Variants in MARCHF1 observed in about 807,000 individuals in gnomAD.
MARCHF1 encodes the protein membrane associated ring-CH-type finger 1.
A neutral mutation model predicts 54.2 loss-of-function variants in MARCHF1; 40 were observed. That is an observed-to-expected ratio of 0.74 (90% CI 0.57 to 0.96). The LOEUF (loss-of-function observed/expected upper bound fraction) is 0.96. Among genes scored for constraint, MARCHF1 ranks in the 40% least tolerant of loss-of-function variants. The probability of loss-of-function intolerance (pLI) is 0.00; values close to 1 mark genes in which losing one functional copy is unlikely to be tolerated. For synonymous variants in MARCHF1, 236 were observed against 236.3 expected, an observed-to-expected ratio of 1.00 and a Z score of 0.01; for missense variants, 586 against 656.5, an observed-to-expected ratio of 0.89 and a Z score of 1.17.
intron 1 of MARCHF1, among the ~76,000 whole-genome samples, chr4:164,243,472 A>G (rs928254222): frequency 3.9e-5 from 6 of 152,386 alleles, no homozygotes; most frequent in African/African-American, 1.2e-4. Context: ...AAACATGGAA[A>G]GGAACAACCA....
intron 5 of MARCHF1, among the ~76,000 whole-genome samples, chr4:163,657,661 T>C (rs887426031): frequency 2.0e-5 from 3 of 151,998 alleles, no homozygotes; most frequent in Non-Finnish European, 4.4e-5. Context: ...CTTCAAACTA[T>C]ACTACAAGGC....
intron 1 of MARCHF1, among the ~76,000 whole-genome samples, chr4:164,205,884 A>T (rs2111102555): frequency 6.6e-6 from 1 of 152,342 alleles, no homozygotes; most frequent in South Asian, 2.1e-4. Context: ...TTTCAGAATG[A>T]TATACGTCAC....
intron 5 of MARCHF1, among the ~76,000 whole-genome samples, chr4:163,677,314 C>T (rs1400054177): frequency 1.4e-5 from 2 of 138,796 alleles, no homozygotes; most frequent in East Asian, 4.8e-4. Flanking sequence ...CTGCAAGTCT[C>T]TGTGTGATTT....
chr4:164,236,657 C>T (rs1456194902), intron 1 of MARCHF1, among the ~76,000 whole-genome samples: 1 of 152,112 alleles, frequency 6.6e-6, no homozygotes, highest in Non-Finnish European at 1.5e-5. Context: ...CCACACTGCA[C>T]ATGTCTGCAA....
chr4:163,613,246 G>A, intron 6 of MARCHF1, 68 bp downstream of exon 6: 2 of 1,488,760 alleles, frequency 1.3e-6, no homozygotes, highest in Non-Finnish European at 1.8e-6. Context: ...CACATTCTCA[G>A]AACAAACAAC....
intron 1 of MARCHF1, among the ~76,000 whole-genome samples, chr4:164,205,014 T>G (rs1215340864): frequency 6.6e-6 from 1 of 152,230 alleles, no homozygotes; most frequent in African/African-American, 2.4e-5. Context: ...CCAAATGCAG[T>G]GAACATTTTC....
chr4:163,745,225 C>T (rs1331415542), intron 4 of MARCHF1, among the ~76,000 whole-genome samples: 1 of 151,010 alleles, frequency 6.6e-6, no homozygotes, highest in African/African-American at 2.4e-5. Context: ...CCATTCTCTG[C>T]TTCAGCCCCC....
rs532086436 is a variant in MARCHF1 at position 163,741,615 on chromosome 4, C to T, written c.112-40752G>A. ...AAAAAAAAATTTGGAAACCTAATATCAGCGTGTTTAAGCAACTGCGTGTTT... is the reference window on the plus strand; with the variant it reads ...AAAAAAAAATTTGGAAACCTAATATTAGCGTGTTTAAGCAACTGCGTGTTT... On this transcript the variant is annotated intron_variant, in intron 4 of 9. Coordinates refer to ENST00000514618, the MANE Select transcript of MARCHF1 (RefSeq NM_001394959.1). Among the ~76,000 whole-genome samples, 10 of 151,890 alleles carry T rather than the reference C, an allele frequency of 6.6e-5. No individual in the cohort carries two copies. The South Asian group carries it at 2.1e-3, about 32-fold the overall frequency.
intron 4 of MARCHF1, among the ~76,000 whole-genome samples, chr4:163,765,098 G>T (rs747498443): frequency 1.5e-4 from 23 of 151,914 alleles, no homozygotes; most frequent in Non-Finnish European, 8.8e-5. Flanking sequence ...AGGTTACATG[G>T]GTGCCCTAAT....
intron 7 of MARCHF1, among the ~76,000 whole-genome samples, chr4:163,588,915 T>G (rs1740495254): frequency 6.6e-6 from 1 of 152,010 alleles, no homozygotes. Context: ...TTATTGACAA[T>G]AATAAAAACA....
chr4:163,960,350 G>A (rs1309210908), intron 3 of MARCHF1, among the ~76,000 whole-genome samples: 1 of 151,970 alleles, frequency 6.6e-6, no homozygotes, highest in Non-Finnish European at 1.5e-5. Flanking sequence ...AAAGACACAT[G>A]AAGACAAATG....
chr4:163,972,336 T>C (rs189936324), intron 3 of MARCHF1, among the ~76,000 whole-genome samples: 9 of 152,096 alleles, frequency 5.9e-5, no homozygotes, highest in African/African-American at 2.2e-4. Flanking sequence ...ATCCCAGAAC[T>C]TAAAGTATAA....
At chr4:164,085,415 G>A (rs76896719) in intron 2 of MARCHF1, among the ~76,000 whole-genome samples, 4,247 of 151,644 alleles carry the variant, frequency 0.028, 180 homozygotes, top group African/African-American at 0.097. Context: ...TGCACTTAAG[G>A]GAAATGTCTT....
intron 2 of MARCHF1, among the ~76,000 whole-genome samples, chr4:164,029,153 G>T (rs1560869333): frequency 6.6e-6 from 1 of 152,062 alleles, no homozygotes; most frequent in Non-Finnish European, 1.5e-5. Flanking sequence ...GCTATATAAA[G>T]AAATAATTGA....
At chr4:163,804,988 T>C (rs1469535286) in intron 4 of MARCHF1, among the ~76,000 whole-genome samples, 1 of 152,162 alleles carries the variant, frequency 6.6e-6, no homozygotes, top group African/African-American at 2.4e-5. Flanking sequence ...AAGATGCTCT[T>C]AAATAGTTTA....
At chr4:164,009,122 T>C (rs1753361747) in intron 2 of MARCHF1, among the ~76,000 whole-genome samples, 1 of 151,926 alleles carries the variant, frequency 6.6e-6, no homozygotes, top group African/African-American at 2.4e-5. Flanking sequence ...CATAAAAGAA[T>C]ATGTAAAAAC....
intron 4 of MARCHF1, among the ~76,000 whole-genome samples, chr4:163,765,250 C>T (rs1400304014): frequency 2.6e-5 from 4 of 151,934 alleles, no homozygotes; most frequent in African/African-American, 4.8e-5. Flanking sequence ...AGTGTGAAGC[C>T]CTATTTGCTG....
chr4:163,830,113 T>C (rs1748975970), intron 4 of MARCHF1, among the ~76,000 whole-genome samples: 1 of 152,128 alleles, frequency 6.6e-6, no homozygotes, highest in African/African-American at 2.4e-5. Context: ...TGAAATAGGA[T>C]TCAACTTACA....
chr4:164,012,998 T>C (rs1175922294), intron 2 of MARCHF1, among the ~76,000 whole-genome samples: 1 of 152,108 alleles, frequency 6.6e-6, no homozygotes, highest in Non-Finnish European at 1.5e-5. Flanking sequence ...GTGAATGCCC[T>C]CAAGCACCAA....
Sources: allele counts gnomAD v4.1 joint callset (sites outside exome capture counted in the v4.1 genomes callset), GRCh38; gene constraint gnomAD v4.1.1; transcripts MANE v1.5; gene names NCBI Gene and HGNC (gene_info 2026-07-23, HGNC 2026-07-21).